LRRTM4: variants seen among roughly 807,000 people sequenced by gnomAD.
The protein encoded by LRRTM4 is leucine rich repeat transmembrane neuronal 4, also known as leucine-rich repeat transmembrane neuronal protein 4.
Under a neutral mutation model 47.6 loss-of-function variants are expected in LRRTM4, and 25 were observed. The observed-to-expected ratio is 0.53, with a 90% confidence interval of 0.38 to 0.73. LRRTM4 has a LOEUF of 0.73. LRRTM4 is among the 30% of genes least tolerant of loss of function. The pLI is 0.00. For missense variants in LRRTM4, 638 were observed against 713.4 expected, an observed-to-expected ratio of 0.89 and a Z score of 1.20; for synonymous variants, 311 against 269.5, an observed-to-expected ratio of 1.15 and a Z score of -1.51.
At chr2:77,487,139 T>A (rs1677947418) in intron 3 of LRRTM4, among the ~76,000 whole-genome samples, 1 of 152,140 alleles carries the variant, frequency 6.6e-6, no homozygotes, top group Non-Finnish European at 1.5e-5. Context: ...GGCTGCAGGA[T>A]CCACAGAGCC....
chr2:76,924,131 TA>T (rs1436427029), intron 3 of LRRTM4, among the ~76,000 whole-genome samples: 1 of 148,980 alleles, frequency 6.7e-6, no homozygotes, highest in East Asian at 1.9e-4. Context: ...AAGACAAACT[TA>T]TTTATGTCTT....
intron 3 of LRRTM4, chr2:77,517,561 A>G (rs985000856): frequency 3.0e-6 from 3 of 985,124 alleles, no homozygotes; most frequent in African/African-American, 3.5e-5. Context: ...CTGATTAAAC[A>G]CAAATAGCCA....
At chr2:76,986,859 T>A (rs1289029863) in intron 3 of LRRTM4, among the ~76,000 whole-genome samples, 2 of 151,900 alleles carry the variant, frequency 1.3e-5, no homozygotes, top group East Asian at 3.9e-4. Context: ...CTTTCTATTG[T>A]ATGCAACTAA....
intron 3 of LRRTM4, among the ~76,000 whole-genome samples, chr2:77,456,401 T>C (rs1470586006): frequency 6.6e-6 from 1 of 152,180 alleles, no homozygotes; most frequent in Non-Finnish European, 1.5e-5. Context: ...ATAATTTGCA[T>C]TCTCAAACTA....
intron 3 of LRRTM4, among the ~76,000 whole-genome samples, chr2:77,077,421 T>G (rs573092325): frequency 6.6e-6 from 1 of 152,166 alleles, no homozygotes; most frequent in Non-Finnish European, 1.5e-5. Flanking sequence ...ATATTAGAGA[T>G]ATTTTCAAGT....
chr2:77,113,499 T>C (rs1227272502), intron 3 of LRRTM4, among the ~76,000 whole-genome samples: 2 of 152,160 alleles, frequency 1.3e-5, no homozygotes, highest in Non-Finnish European at 2.9e-5. Context: ...TGTTTCCTTG[T>C]GTTGGCGTAA....
At chr2:77,344,862 A>G (rs1671504709) in intron 3 of LRRTM4, among the ~76,000 whole-genome samples, 1 of 151,694 alleles carries the variant, frequency 6.6e-6, no homozygotes, top group South Asian at 2.1e-4. Context: ...TACAATCCTT[A>G]ATGTCTCGAT....
At chr2:76,892,177 A>G (rs959952018) in intron 3 of LRRTM4, among the ~76,000 whole-genome samples, 2 of 151,676 alleles carry the variant, frequency 1.3e-5, no homozygotes, top group African/African-American at 4.8e-5. Flanking sequence ...TATTATATGA[A>G]GAATGCATTC....
In LRRTM4 at chr2:76,905,497, G is replaced by A. The variant is rs193185966; in HGVS notation, c.1552-156581C>T. On this transcript the variant is annotated intron_variant, in intron 3 of 3. Transcript: ENST00000409884. ...CACCAGCAATGGAAAAAAGCTGGAC[G>A]GAGAATGACTTTGACGAGTTGAGAG... Among the ~76,000 whole-genome samples the A allele has an allele frequency of 8.6e-3, 1,311 of 152,272 alleles. 24 individuals carry two copies. Among genetic ancestry groups the A allele is most frequent in the African/African-American group, 0.029 (1,198 of 41,540 alleles).
At chr2:77,361,460 G>C (rs150860364) in intron 3 of LRRTM4, among the ~76,000 whole-genome samples, 1 of 151,886 alleles carries the variant, frequency 6.6e-6, no homozygotes, top group South Asian at 2.1e-4. Flanking sequence ...TTTCCTGTCT[G>C]TTTTGGCTTA....
At chr2:77,158,808 G>T (rs1672630899) in intron 3 of LRRTM4, among the ~76,000 whole-genome samples, 1 of 150,658 alleles carries the variant, frequency 6.6e-6, no homozygotes, top group Admixed American at 6.6e-5. Flanking sequence ...ATTAAGTGCA[G>T]AACTATACAT....
At chr2:76,908,599 G>A (rs571412449) in intron 3 of LRRTM4, among the ~76,000 whole-genome samples, 2 of 152,238 alleles carry the variant, frequency 1.3e-5, no homozygotes, top group South Asian at 2.1e-4. Flanking sequence ...AAACCCCATT[G>A]TCTCAGCCCA....
At position 77,490,231 on chromosome 2, in the gene LRRTM4, C is replaced by T. The variant is rs1400771711; in HGVS notation, c.1551+28087G>A. Among the ~76,000 whole-genome samples the T allele has an allele frequency of 2.0e-5, 3 of 151,000 alleles. No individual in the cohort carries two copies. In the South Asian group the frequency reaches 6.3e-4, roughly 32 times the overall value. On this transcript the variant is annotated intron_variant, in intron 3 of 3. Transcript: ENST00000409884. ...CACCACTGCACTCCAGCCTGGGTAA[C>T]AGAGTGTGACTCTGTCTCAAAAAAA...
intron 3 of LRRTM4, among the ~76,000 whole-genome samples, chr2:77,430,553 C>A (rs1055386251): frequency 6.6e-6 from 1 of 150,786 alleles, no homozygotes; most frequent in Admixed American, 6.6e-5. Context: ...GAAACCCTGT[C>A]TCTACTAAAA....
At chr2:77,159,837 CCTT>C (rs1189880569) in intron 3 of LRRTM4, among the ~76,000 whole-genome samples, 1 of 152,124 alleles carries the variant, frequency 6.6e-6, no homozygotes, top group Non-Finnish European at 1.5e-5. Flanking sequence ...TGGTAACAAT[CCTT>C]CTTCCACCAT....
At chr2:76,970,687 G>C (rs1676188392) in intron 3 of LRRTM4, among the ~76,000 whole-genome samples, 1 of 152,010 alleles carries the variant, frequency 6.6e-6, no homozygotes, top group South Asian at 2.1e-4. Context: ...TCTGCCAAAA[G>C]TTATAAAAAG....
intron 3 of LRRTM4, among the ~76,000 whole-genome samples, chr2:77,128,370 G>A (rs1671707522): frequency 6.8e-6 from 1 of 147,562 alleles, no homozygotes; most frequent in African/African-American, 2.6e-5. Flanking sequence ...AACAATGATA[G>A]GGCCAAAATT....
At chr2:76,783,896 T>C (rs115221873) in intron 3 of LRRTM4, among the ~76,000 whole-genome samples, 1,810 of 152,284 alleles carry the variant, frequency 0.012, 39 homozygotes, top group African/African-American at 0.04. Flanking sequence ...TTTGACAGTA[T>C]AAAATACTCA....
At chr2:76,907,312 A>G (rs1230505456) in intron 3 of LRRTM4, among the ~76,000 whole-genome samples, 3 of 151,558 alleles carry the variant, frequency 2.0e-5, no homozygotes, top group South Asian at 4.2e-4. Context: ...AAGACACAAC[A>G]TACCAGAATC....
Sources: allele counts gnomAD v4.1 joint callset (sites outside exome capture counted in the v4.1 genomes callset), GRCh38; gene constraint gnomAD v4.1.1; transcripts MANE v1.5; gene names NCBI Gene and HGNC (gene_info 2026-07-23, HGNC 2026-07-21).